TMEM30A: variants seen among roughly 807,000 people sequenced by gnomAD.
The protein encoded by TMEM30A is cell cycle control protein 50A.
Under a neutral mutation model 38.2 loss-of-function variants are expected in TMEM30A, and 24 were observed. The observed-to-expected ratio is 0.63, with a 90% CI of 0.46 to 0.88. TMEM30A has a LOEUF of 0.88. TMEM30A is among the 40% of genes least tolerant of loss of function. The pLI, the probability that TMEM30A is intolerant of heterozygous loss-of-function variation, is 0.00. For missense variants in TMEM30A, 370 were observed against 458.6 expected (o/e 0.81, Z 1.77); for synonymous variants, 145 against 161.6 (o/e 0.90, Z 0.78).
intron 1 of TMEM30A, among the ~76,000 whole-genome samples, chr6:75,268,756 T>C (rs1312581341): frequency 2.0e-5 from 3 of 151,924 alleles, no homozygotes; most frequent in Admixed American, 6.6e-5. Context: ...AGAATGGTCT[T>C]GGGAACTCCC....
At chr6:75,275,507 C>T (rs1248382387) in intron 1 of TMEM30A, among the ~76,000 whole-genome samples, 1 of 152,152 alleles carries the variant, frequency 6.6e-6, no homozygotes, top group Non-Finnish European at 1.5e-5. Flanking sequence ...ACCTCATTTT[C>T]CTACAATCTT....
intron 6 of TMEM30A, chr6:75,256,736 T>C (rs773763093): frequency 1.9e-5 from 9 of 482,888 alleles, no homozygotes; most frequent in Admixed American, 6.6e-5. Context: ...AGTGTAGTTA[T>C]GAGACTATGA....
intron 1 of TMEM30A, among the ~76,000 whole-genome samples, chr6:75,282,954 T>C (rs1772383870): frequency 6.6e-6 from 1 of 152,120 alleles, no homozygotes; most frequent in Non-Finnish European, 1.5e-5. Context: ...GCCCATATCC[T>C]AATATAATGT....
rs1771847578 is a variant in TMEM30A, at chr6:75,255,117, T to C, written c.*985A>G. Reference sequence around the variant, plus strand: ...AATGAAATACATAGGAAATTAAGGTTACTGCTTTCAAAAATTTCTGGAATA... The same window carrying C: ...AATGAAATACATAGGAAATTAAGGTCACTGCTTTCAAAAATTTCTGGAATA... On this transcript the variant is annotated 3_prime_UTR_variant, in exon 7 of 7. Transcript: ENST00000230461. 6.6e-6 allele frequency: 1 copy of C among 152,502 alleles called. No individual in the cohort carries two copies. 9.4% of individuals were successfully genotyped at this position (152,502 alleles called of 1,614,324 possible).
chr6:75,275,878 T>C (rs779629104), intron 1 of TMEM30A, among the ~76,000 whole-genome samples: 2 of 152,222 alleles, frequency 1.3e-5, no homozygotes, highest in Non-Finnish European at 1.5e-5. Context: ...ATGCTAATGA[T>C]ACAATTGGTG....
chr6:75,279,670 T>C (rs1441451698), intron 1 of TMEM30A, among the ~76,000 whole-genome samples: 2 of 152,198 alleles, frequency 1.3e-5, no homozygotes, highest in African/African-American at 2.4e-5. Context: ...TCAGCTTTGT[T>C]TTGCTACCAC....
intron 1 of TMEM30A, among the ~76,000 whole-genome samples, chr6:75,271,392 T>C (rs1233339375): frequency 2.0e-5 from 3 of 152,178 alleles, no homozygotes; most frequent in East Asian, 1.9e-4. Context: ...AAATGAAAGA[T>C]AGCTATAACA....
chr6:75,283,066 A>G (rs1241060615), intron 1 of TMEM30A, among the ~76,000 whole-genome samples: 1 of 152,042 alleles, frequency 6.6e-6, no homozygotes, highest in Non-Finnish European at 1.5e-5. Context: ...AAATACTGTA[A>G]CTCTCTAGTT....
chr6:75,275,690 T>C (rs1772249217), intron 1 of TMEM30A, among the ~76,000 whole-genome samples: 1 of 152,224 alleles, frequency 6.6e-6, no homozygotes, highest in African/African-American at 2.4e-5. Flanking sequence ...CTGCAACCAT[T>C]CTACTGTGAC....
At chr6:75,260,385 G>C (rs240383) in intron 4 of TMEM30A, among the ~76,000 whole-genome samples, 26 of 151,854 alleles carry the variant, frequency 1.7e-4, no homozygotes, top group Admixed American at 3.3e-4. Flanking sequence ...CAGCCTGGGC[G>C]ACAGAATGAC....
chr6:75,268,890 T>A (rs559592029), intron 1 of TMEM30A, among the ~76,000 whole-genome samples: 74 of 152,294 alleles, frequency 4.9e-4, no homozygotes, highest in African/African-American at 1.7e-3. Context: ...TGACACTATT[T>A]CAGGATGGTT....
chr6:75,262,202 C>T (rs2149519503), intron 3 of TMEM30A, among the ~76,000 whole-genome samples: 1 of 152,194 alleles, frequency 6.6e-6, no homozygotes, highest in Non-Finnish European at 1.5e-5. Context: ...AAAAAATTAG[C>T]CAGGCATGGT....
At chr6:75,275,010 C>A (rs1398463727) in intron 1 of TMEM30A, among the ~76,000 whole-genome samples, 9 of 124,692 alleles carry the variant, frequency 7.2e-5, no homozygotes, top group Non-Finnish European at 8.7e-5. Context: ...GACTCTGTCT[C>A]AAAAAAAAAA....
chr6:75,279,665 T>C (rs1772325706), intron 1 of TMEM30A, among the ~76,000 whole-genome samples: 1 of 152,220 alleles, frequency 6.6e-6, no homozygotes, highest in East Asian at 1.9e-4. Flanking sequence ...CATTCTCAGC[T>C]TTGTTTTGCT....
Position 75,265,355 on chromosome 6 carries a change from G to A in TMEM30A, c.346-17C>T. Reference sequence around the variant, plus strand: ...CACGTTGCCCTAGAGAAACAGAGAGGGAAAAAATTTTCATATAAAAACTAT... The same window carrying A: ...CACGTTGCCCTAGAGAAACAGAGAGAGAAAAAATTTTCATATAAAAACTAT... On this transcript the variant is annotated splice_polypyrimidine_tract_variant and intron_variant, in intron 2 of 6. Coordinates refer to ENST00000230461, the MANE Select transcript of TMEM30A (RefSeq NM_018247.4). 7 of 1,477,078 alleles carry A rather than the reference G, an allele frequency of 4.7e-6. No homozygotes were observed. Among genetic ancestry groups the A allele is most frequent in the Admixed American group, 4.1e-5 (2 of 48,298 alleles). The allele number at this position is 1,477,078 out of a possible 1,614,324, so 91.5% of individuals were successfully genotyped here.
intron 4 of TMEM30A, among the ~76,000 whole-genome samples, chr6:75,260,186 A>G (rs1405930558): frequency 6.6e-6 from 1 of 152,066 alleles, no homozygotes; most frequent in Non-Finnish European, 1.5e-5. Flanking sequence ...TGGGCGGATC[A>G]CGAGGTCAGG....
chr6:75,266,875 T>A (rs1772077292), intron 2 of TMEM30A, among the ~76,000 whole-genome samples: 1 of 152,200 alleles, frequency 6.6e-6, no homozygotes, highest in Non-Finnish European at 1.5e-5. Context: ...AGCATGATCC[T>A]GTCCTTTATG....
intron 3 of TMEM30A, among the ~76,000 whole-genome samples, chr6:75,261,656 A>ATT: frequency 6.6e-6 from 1 of 152,216 alleles, no homozygotes; most frequent in Non-Finnish European, 1.5e-5. Flanking sequence ...ACATTAAGCC[A>ATT]TGTCTCAAAA....
Position 75,277,305 on chromosome 6 carries a change from C to CA in TMEM30A, c.237+7096dup, listed in dbSNP as rs60419282. ...TAATCTCAGATTCAATGTCCTCATC[C>CA]AAAAAAAAAAAAAAAAAAAAAATGG... On this transcript the variant is annotated intron_variant, in intron 1 of 6. Transcript: ENST00000230461. 8.4e-3 allele frequency among the ~76,000 whole-genome samples: 774 copies of CA among 91,676 alleles called. 7 individuals carry two copies. Among genetic ancestry groups the CA allele is most frequent in the African/African-American group, 0.029 (736 of 25,632 alleles). 60.1% of individuals were successfully genotyped at this position (91,676 alleles called of 152,430 possible). A position where few individuals can be genotyped will look rare whatever the true frequency, so the allele number is the denominator to read the frequency against.
Sources: gnomAD v4.1 joint callset for allele counts (sites outside exome capture counted in the v4.1 genomes callset) on GRCh38, gnomAD v4.1.1 for gene constraint, MANE v1.5 for transcripts, NCBI Gene and HGNC (gene_info 2026-07-23, HGNC 2026-07-21) for gene names.